The following MGMT variants were observed in gnomAD, a reference collection of about 807,000 sequenced individuals.
MGMT encodes O-6-methylguanine-DNA methyltransferase, also known as methylated-DNA--protein-cysteine methyltransferase.
MGMT carries 14 observed loss-of-function variants against 15.9 expected under a neutral mutation model. The observed-to-expected ratio is 0.88, with a 90% confidence interval of 0.58 to 1.37. The LOEUF (loss-of-function observed/expected upper bound fraction) is 1.37, where lower values mean the gene tolerates loss of function less well. Among genes scored for constraint, MGMT ranks in the 40% most tolerant of loss-of-function variants. The pLI is 0.00. For missense variants in MGMT, 282 were observed against 268.1 expected (o/e 1.05, Z -0.36); for synonymous variants, 130 against 118.2 (o/e 1.10, Z -0.65).
chr10:129,756,594 C>T (rs1848809349), intron 3 of MGMT, among the ~76,000 whole-genome samples: 1 of 152,168 alleles, frequency 6.6e-6, no homozygotes, highest in South Asian at 2.1e-4. Flanking sequence ...CTCACCCTCC[C>T]GAGTAGCTGG....
At chr10:129,471,922 C>G (rs926264226) in intron 1 of MGMT, among the ~76,000 whole-genome samples, 1 of 152,218 alleles carries the variant, frequency 6.6e-6, no homozygotes, top group Admixed American at 6.5e-5. Context: ...AGACGTGAAT[C>G]TCTTCAAATT....
rs190490361 is a variant in MGMT, at chr10:129,594,374, T to G, written c.125+57997T>G. ...GGTGAAAAGAGCTCAGATCAGAAGTTTCTTGGAAAGAGATTTAAAGATTTT... is the reference window on the plus strand; with the variant it reads ...GGTGAAAAGAGCTCAGATCAGAAGTGTCTTGGAAAGAGATTTAAAGATTTT... On this transcript the variant is annotated intron_variant, in intron 2 of 4. Transcript: ENST00000651593. Among the ~76,000 whole-genome samples the G allele has an allele frequency of 2.3e-3, 355 of 152,344 alleles. 1 individual carries two copies. The highest frequency in any genetic ancestry group is 8.1e-3 in the African/African-American group (338 of 41,562).
chr10:129,527,184 G>C (rs1845879950), intron 1 of MGMT, among the ~76,000 whole-genome samples: 1 of 152,230 alleles, frequency 6.6e-6, no homozygotes, highest in African/African-American at 2.4e-5. Flanking sequence ...AAGCCTGAGA[G>C]GCAGACAGCA....
At chr10:129,497,586 C>T (rs12269253) in intron 1 of MGMT, among the ~76,000 whole-genome samples, 1 of 152,140 alleles carries the variant, frequency 6.6e-6, no homozygotes, top group Non-Finnish European at 1.5e-5. Flanking sequence ...CTCACACTTA[C>T]CACAACCAGG....
intron 2 of MGMT, among the ~76,000 whole-genome samples, chr10:129,599,074 T>G (rs767047719): frequency 1.1e-4 from 16 of 152,186 alleles, no homozygotes; most frequent in Non-Finnish European, 1.9e-4. Flanking sequence ...CAACGAACAA[T>G]TCGCAAATCG....
intron 2 of MGMT, among the ~76,000 whole-genome samples, chr10:129,538,853 C>T (rs1416255558): frequency 6.6e-6 from 1 of 152,218 alleles, no homozygotes; most frequent in African/African-American, 2.4e-5. Context: ...TCAGGCTGGT[C>T]TCTAACTCCT....
intron 3 of MGMT, among the ~76,000 whole-genome samples, chr10:129,739,372 G>A (rs1350359884): frequency 6.6e-6 from 1 of 152,198 alleles, no homozygotes; most frequent in Non-Finnish European, 1.5e-5. Flanking sequence ...GTCTCTGTTT[G>A]CAGATGACAT....
At chr10:129,719,487 G>A (rs1245953195) in intron 3 of MGMT, among the ~76,000 whole-genome samples, 2 of 152,190 alleles carry the variant, frequency 1.3e-5, no homozygotes, top group African/African-American at 2.4e-5. Context: ...CTGGAAGTCC[G>A]AGACCGAGGT....
chr10:129,759,739 G>T (rs1040399114), intron 4 of MGMT, among the ~76,000 whole-genome samples: 12 of 151,140 alleles, frequency 7.9e-5, no homozygotes, highest in African/African-American at 2.9e-4. Context: ...AGACAGAAAG[G>T]TCTACCTGCG....
intron 2 of MGMT, among the ~76,000 whole-genome samples, chr10:129,642,429 T>C (rs1414766816): frequency 6.6e-6 from 1 of 152,092 alleles, no homozygotes; most frequent in Non-Finnish European, 1.5e-5. Context: ...ACATTCCACC[T>C]GAATTTTTCC....
At position 129,613,692 on chromosome 10, in the gene MGMT, A is replaced by T. The variant is rs117449799; in HGVS notation, c.125+77315A>T. On this transcript the variant is annotated intron_variant, in intron 2 of 4. Transcript: ENST00000651593. ...ATTTAAATGAGCCTCCCTTCCTGGG[A>T]TGCACACAGGAGTCTTGGCGGGAGG... 7.4e-4 allele frequency among the ~76,000 whole-genome samples: 113 copies of T among 152,352 alleles called. 1 individual carries two copies. Among genetic ancestry groups the T allele is most frequent in the Non-Finnish European group, 7.5e-4 (51 of 68,030 alleles).
chr10:129,609,220 C>T (rs1846929901), intron 2 of MGMT, among the ~76,000 whole-genome samples: 1 of 152,226 alleles, frequency 6.6e-6, no homozygotes, highest in African/African-American at 2.4e-5. Flanking sequence ...ACACCTTTCC[C>T]TCCTCAGTGG....
At position 129,609,525 on chromosome 10, in the gene MGMT, G is replaced by A. The variant is rs141415468; in HGVS notation, c.125+73148G>A. On this transcript the variant is annotated intron_variant, in intron 2 of 4. Transcript: ENST00000651593. The stretch of plus-strand genomic sequence containing the variant: ...TAGGCGGTAGGTGTTGCCACCCAAG[G>A]TGAAGAGGAACTCACAGCAGCGCTG... Among the ~76,000 whole-genome samples the A allele has an allele frequency of 8.5e-5, 13 of 152,344 alleles. No individual in the cohort carries two copies. The East Asian group carries it at 2.1e-3, about 25-fold the overall frequency.
intron 2 of MGMT, among the ~76,000 whole-genome samples, chr10:129,575,815 A>G (rs535030098): frequency 1.4e-4 from 22 of 152,298 alleles, no homozygotes; most frequent in African/African-American, 4.8e-4. Context: ...AAAAGAGAGA[A>G]GAATCAAATA....
chr10:129,657,137 A>G (rs1306203543), intron 2 of MGMT, among the ~76,000 whole-genome samples: 2 of 152,128 alleles, frequency 1.3e-5, no homozygotes, highest in Non-Finnish European at 1.5e-5. Context: ...TTGGGGACAG[A>G]TACCCTGTCT....
intron 3 of MGMT, among the ~76,000 whole-genome samples, chr10:129,712,371 A>T (rs1848242380): frequency 6.6e-6 from 1 of 152,230 alleles, no homozygotes; most frequent in African/African-American, 2.4e-5. Flanking sequence ...CACTTTAATA[A>T]TTCCTTCGTC....
intron 3 of MGMT, among the ~76,000 whole-genome samples, chr10:129,720,971 A>G (rs1239300293): frequency 6.6e-6 from 1 of 152,060 alleles, no homozygotes; most frequent in Non-Finnish European, 1.5e-5. Context: ...AAAATATGTA[A>G]ATAAATACAT....
chr10:129,633,373 A>C (rs1847232546), intron 2 of MGMT, among the ~76,000 whole-genome samples: 1 of 152,234 alleles, frequency 6.6e-6, no homozygotes. Flanking sequence ...GCTTCCGTTA[A>C]GTGAAAAAGC....
intron 2 of MGMT, among the ~76,000 whole-genome samples, chr10:129,693,303 C>T (rs1354743550): frequency 6.6e-6 from 1 of 152,186 alleles, no homozygotes; most frequent in Admixed American, 6.5e-5. Context: ...AGGTCAATGC[C>T]ACTTCTGTAA....
Sources: gnomAD v4.1 joint callset for allele counts (sites outside exome capture counted in the v4.1 genomes callset) on GRCh38, gnomAD v4.1.1 for gene constraint, MANE v1.5 for transcripts, NCBI Gene and HGNC (gene_info 2026-07-23, HGNC 2026-07-21) for gene names.